The following ANAPC10 variants were observed in gnomAD, a reference collection of about 807,000 sequenced individuals.
ANAPC10 encodes anaphase-promoting complex subunit 10.
Under a neutral mutation model 22.0 loss-of-function variants are expected in ANAPC10, and 12 were observed. The observed-to-expected ratio is 0.55, with a 90% CI of 0.35 to 0.88. The LOEUF (loss-of-function observed/expected upper bound fraction) is 0.88. Among genes scored for constraint, ANAPC10 ranks in the 40% least tolerant of loss-of-function variants. The pLI, the probability that ANAPC10 is intolerant of heterozygous loss-of-function variation, is 0.01. For synonymous variants in ANAPC10, 65 were observed against 69.5 expected (o/e 0.94, Z 0.32); for missense variants, 188 against 220.9 (o/e 0.85, Z 0.94).
chr4:145,082,221 C>G (rs1746153920), intron 2 of ANAPC10, among the ~76,000 whole-genome samples: 7 of 152,240 alleles, frequency 4.6e-5, no homozygotes, highest in Admixed American at 4.6e-4. Context: ...ACAATCTCGG[C>G]TCATTGCAAC....
chr4:145,050,993 G>A (rs916830207), intron 4 of ANAPC10, among the ~76,000 whole-genome samples: 1 of 152,104 alleles, frequency 6.6e-6, no homozygotes, highest in Non-Finnish European at 1.5e-5. Flanking sequence ...TCACAACTTC[G>A]CTGTTTGGAG....
chr4:145,054,418 C>A (rs1741617378), intron 4 of ANAPC10, among the ~76,000 whole-genome samples: 1 of 150,954 alleles, frequency 6.6e-6, no homozygotes, highest in Admixed American at 6.6e-5. Context: ...ATTAGCCGGG[C>A]ATGGTGGCAG....
chr4:145,054,179 T>C (rs763373469), intron 4 of ANAPC10, among the ~76,000 whole-genome samples: 2 of 151,236 alleles, frequency 1.3e-5, no homozygotes, highest in Non-Finnish European at 2.9e-5. Context: ...AGTGCTGGTA[T>C]TACAGGCCTG....
At chr4:145,024,427 C>A (rs777307870) in intron 4 of ANAPC10, among the ~76,000 whole-genome samples, 3 of 152,136 alleles carry the variant, frequency 2.0e-5, no homozygotes, top group Non-Finnish European at 4.4e-5. Context: ...AAATGTATAT[C>A]TTAAATAATA....
At chr4:145,079,755 T>C (rs1745693209) in intron 3 of ANAPC10, among the ~76,000 whole-genome samples, 1 of 152,142 alleles carries the variant, frequency 6.6e-6, no homozygotes, top group Non-Finnish European at 1.5e-5. Flanking sequence ...GAGGCCGGCA[T>C]CCTAAGAGAA....
chr4:145,086,468 A>G (rs1289715743), intron 2 of ANAPC10, among the ~76,000 whole-genome samples: 2 of 152,226 alleles, frequency 1.3e-5, no homozygotes, highest in African/African-American at 4.8e-5. Context: ...CTGAACCAGC[A>G]GCATCATTAC....
Position 144,995,403 on chromosome 4 carries a change from T to C in ANAPC10, c.528A>G (p.Ile176Met). 1 of 1,612,642 alleles carries C rather than the reference T, an allele frequency of 6.2e-7. No homozygotes were observed. The highest frequency in any genetic ancestry group is 8.5e-7 in the Non-Finnish European group (1 of 1,178,960). The change falls in exon 5 of 5, where the codon ATA becomes ATG. Residue 176 changes from isoleucine (I) to methionine (M), a missense_variant. Coordinates refer to ENST00000507656, the MANE Select transcript of ANAPC10 (RefSeq NM_001256706.2). ...TTATTGAACGATACATCATGAAATC[T>C]ATAGTTGTACATCTAGGAAATTTAC... ...SIGKFPRCTT[I>M]DFMMYRSIR is the part of the protein sequence containing the mutation.
intron 4 of ANAPC10, among the ~76,000 whole-genome samples, chr4:145,042,471 T>C (rs961639804): frequency 9.9e-5 from 15 of 152,186 alleles, no homozygotes; most frequent in Non-Finnish European, 2.1e-4. Context: ...AATATTTAAA[T>C]CAATCCTTCT....
chr4:145,066,936 T>C (rs982398945), intron 3 of ANAPC10, among the ~76,000 whole-genome samples: 3 of 152,344 alleles, frequency 2.0e-5, no homozygotes, highest in African/African-American at 7.2e-5. Flanking sequence ...TAGTCATTGA[T>C]ACGAGTTTAC....
At chr4:145,095,279 C>A (rs1265163622) in intron 2 of ANAPC10, among the ~76,000 whole-genome samples, 1 of 152,136 alleles carries the variant, frequency 6.6e-6, no homozygotes, top group African/African-American at 2.4e-5. Flanking sequence ...CAGAAACAAA[C>A]AATTGGTAAG....
At chr4:145,046,187 G>A (rs1384107495) in intron 4 of ANAPC10, among the ~76,000 whole-genome samples, 1 of 152,046 alleles carries the variant, frequency 6.6e-6, no homozygotes, top group East Asian at 1.9e-4. Flanking sequence ...TGTGCAATTA[G>A]GATAGACAGC....
At chr4:145,020,124 C>T (rs946555299) in intron 4 of ANAPC10, among the ~76,000 whole-genome samples, 2 of 152,052 alleles carry the variant, frequency 1.3e-5, no homozygotes, top group African/African-American at 4.8e-5. Flanking sequence ...CAGGAAAGGA[C>T]ATAACCAGAA....
intron 4 of ANAPC10, among the ~76,000 whole-genome samples, chr4:145,031,874 A>G (rs376448732): frequency 6.6e-6 from 1 of 152,188 alleles, no homozygotes; most frequent in East Asian, 1.9e-4. Flanking sequence ...TCAAGTCACC[A>G]TGCAACCTGA....
At chr4:145,004,920 C>A (rs1045753831) in intron 4 of ANAPC10, among the ~76,000 whole-genome samples, 1 of 152,076 alleles carries the variant, frequency 6.6e-6, no homozygotes, top group Non-Finnish European at 1.5e-5. Flanking sequence ...TAGTAACCAG[C>A]TCTTCCTTAC....
In ANAPC10 at chr4:145,083,502, T is replaced by C. The variant is rs572662663; in HGVS notation, c.116-1752A>G. On this transcript the variant is annotated intron_variant, in intron 2 of 4. Coordinates refer to ENST00000507656, the MANE Select transcript of ANAPC10 (RefSeq NM_001256706.2). ...CTTTAATTTGATAAATATTGCCAAA[T>C]TGTCCTCTAAAACATTTCCTCACCA... Among the ~76,000 whole-genome samples the C allele has an allele frequency of 2.6e-5, 4 of 152,280 alleles. No individual in the cohort carries two copies. In the South Asian group the frequency reaches 8.3e-4, roughly 32 times the overall value.
chr4:145,094,674 T>C (rs982750893), intron 2 of ANAPC10, among the ~76,000 whole-genome samples: 3 of 152,288 alleles, frequency 2.0e-5, no homozygotes, highest in Admixed American at 2.0e-4. Flanking sequence ...AGCTTGAGTC[T>C]GCAGGTGAAA....
intron 4 of ANAPC10, chr4:144,999,166 G>A (rs1732112629): frequency 6.6e-6 from 1 of 152,276 alleles, no homozygotes. Flanking sequence ...GATGGATTAA[G>A]AGACGAATTC....
Position 145,017,913 on chromosome 4 carries a change from A to G in ANAPC10, c.328-22310T>C, listed in dbSNP as rs1735423636. Among the ~76,000 whole-genome samples, 4 of 147,642 alleles carry G rather than the reference A, an allele frequency of 2.7e-5. No homozygotes were observed. The South Asian group carries it at 8.6e-4, about 32-fold the overall frequency. On this transcript the variant is annotated intron_variant, in intron 4 of 4. Coordinates refer to ENST00000507656, the MANE Select transcript of ANAPC10 (RefSeq NM_001256706.2). ...TGTTCTCACTGATAGCTGGGAACTG[A>G]AAAATGAGAATACTTGGACACAGGA... is the stretch of plus-strand genomic sequence containing the variant.
chr4:145,020,596 G>A (rs529661085), intron 4 of ANAPC10, among the ~76,000 whole-genome samples: 7 of 152,080 alleles, frequency 4.6e-5, no homozygotes, highest in African/African-American at 1.2e-4. Flanking sequence ...TCAAACAAGC[G>A]AAAGAAATAA....
Sources: gnomAD v4.1 joint callset for allele counts (sites outside exome capture counted in the v4.1 genomes callset) on GRCh38, gnomAD v4.1.1 for gene constraint, MANE v1.5 for transcripts, NCBI Gene and HGNC (gene_info 2026-07-23, HGNC 2026-07-21) for gene names.